The following RABGEF1 variants were observed in gnomAD, a reference collection of about 807,000 sequenced individuals.
RABGEF1 encodes the protein rab5 GDP/GTP exchange factor.
A neutral mutation model predicts 57.3 loss-of-function variants in RABGEF1; 26 were observed. That is an observed-to-expected ratio of 0.45 (90% CI 0.33 to 0.63). RABGEF1 has a LOEUF of 0.63. Ranked by LOEUF, RABGEF1 falls within the 20% of genes least tolerant of loss-of-function variation. RABGEF1 has a pLI of 0.02. For missense variants in RABGEF1, 464 were observed against 607.6 expected (o/e 0.76, Z 2.48); for synonymous variants, 185 against 210.7 (o/e 0.88, Z 1.06).
chr7:66,673,890 G>GA, the RABGEF1 span, among the ~76,000 whole-genome samples: 2 of 151,582 alleles, frequency 1.3e-5, no homozygotes, highest in Admixed American at 6.6e-5. Flanking sequence ...TAAAAAAGAA[G>GA]AAAAAAAATC....
chr7:66,752,049 C>A lies in RABGEF1; in HGVS notation c.-18+11257C>A, dbSNP rs926175591. 3.9e-5 allele frequency among the ~76,000 whole-genome samples: 6 copies of A among 152,116 alleles called. No homozygotes were observed. The South Asian group carries it at 1.2e-3, about 32-fold the overall frequency. On this transcript the variant is annotated intron_variant, in intron 1 of 8. Transcript: ENST00000284957. ...CTATATAAACAAACCAAAAAAAACC[C>A]GCAAAAAACTAGCCAGGTGTTGTGG...
rs562943636 is a variant in RABGEF1 at position 66,744,323 on chromosome 7, A to G, written c.-18+3531A>G. Among the ~76,000 whole-genome samples, 3 of 150,898 alleles carry G rather than the reference A, an allele frequency of 2.0e-5. 1 individual carries two copies. In the South Asian group the frequency reaches 6.3e-4, roughly 32 times the overall value. ...CAAAGTGGGAGGATTGCTTGAGGTC[A>G]GGGGTTGGAGACCAGCCTGGGCAAA... On this transcript the variant is annotated intron_variant, in intron 1 of 8. Coordinates refer to ENST00000284957, the MANE Select transcript of RABGEF1 (RefSeq NM_014504.3).
chr7:66,791,004 A>G (rs1220477095), intron 4 of RABGEF1, among the ~76,000 whole-genome samples: 35 of 152,212 alleles, frequency 2.3e-4, no homozygotes, highest in Admixed American at 2.3e-3. Flanking sequence ...GCAACTTGTA[A>G]CATGGGAGTT....
chr7:66,760,159 C>G (rs1369091123), intron 1 of RABGEF1, among the ~76,000 whole-genome samples: 2 of 152,170 alleles, frequency 1.3e-5, no homozygotes, highest in Non-Finnish European at 2.9e-5. Context: ...GGGTTAACTG[C>G]TTACACCATT....
intron 1 of RABGEF1, among the ~76,000 whole-genome samples, chr7:66,765,262 A>G (rs945671683): frequency 6.6e-6 from 1 of 151,878 alleles, no homozygotes. Context: ...CTGGGGTTGG[A>G]GTGCAGATAG....
chr7:66,802,421 A>C (rs968158725), intron 7 of RABGEF1, among the ~76,000 whole-genome samples: 8 of 152,202 alleles, frequency 5.3e-5, no homozygotes, highest in Non-Finnish European at 1.2e-4. Flanking sequence ...GATCCAGCAG[A>C]GATGGAGCGT....
chr7:66,741,993 AAAAG>A (rs759901545), intron 1 of RABGEF1, among the ~76,000 whole-genome samples: 4 of 152,030 alleles, frequency 2.6e-5, no homozygotes, highest in East Asian at 3.9e-4. Context: ...AAAAAAAAGA[AAAAG>A]AAAATTTGCC....
the RABGEF1 span, among the ~76,000 whole-genome samples, chr7:66,658,766 C>T: frequency 9.9e-5 from 15 of 152,192 alleles, no homozygotes; most frequent in Non-Finnish European, 2.1e-4. Flanking sequence ...GACAGAGTCT[C>T]GCTCTGTCGC....
At chr7:66,797,138 G>GA (rs1452685852) in intron 5 of RABGEF1, among the ~76,000 whole-genome samples, 1 of 151,272 alleles carries the variant, frequency 6.6e-6, no homozygotes, top group African/African-American at 2.4e-5. Flanking sequence ...CATCTCCACA[G>GA]AAAAAACCTA....
intron 6 of RABGEF1, 59 bp from the exon 7 acceptor site, chr7:66,799,264 C>G: frequency 7.0e-7 from 1 of 1,420,854 alleles, no homozygotes. Context: ...AAGGAGGTGA[C>G]AAGACAAATG....
At position 66,780,361 on chromosome 7, in the gene RABGEF1, C is replaced by T. The variant is rs1484644230; in HGVS notation, c.347-3314C>T. Among the ~76,000 whole-genome samples the T allele has an allele frequency of 3.3e-5, 5 of 152,208 alleles. No homozygotes were observed. In the East Asian group the frequency reaches 7.7e-4, roughly 23 times the overall value. On this transcript the variant is annotated intron_variant, in intron 3 of 8. Transcript: ENST00000284957. Reference sequence around the variant, plus strand: ...CATTATTCAAGTTACTTAACATATTCAAGCCTCAGCTTCCTCATTTGTAAA... The same window carrying T: ...CATTATTCAAGTTACTTAACATATTTAAGCCTCAGCTTCCTCATTTGTAAA...
At chr7:66,694,935 G>C (rs990081133) in intron 1 of RABGEF1, among the ~76,000 whole-genome samples, 1 of 152,166 alleles carries the variant, frequency 6.6e-6, no homozygotes, top group Non-Finnish European at 1.5e-5. Flanking sequence ...GGACATGCTG[G>C]CCTGGAGCCC....
At chr7:66,774,287 T>G (rs899281957) in intron 2 of RABGEF1, among the ~76,000 whole-genome samples, 12 of 152,224 alleles carry the variant, frequency 7.9e-5, no homozygotes, top group African/African-American at 2.9e-4. Context: ...CTCTTACTTC[T>G]TGTTCCTGTC....
intron 1 of RABGEF1, among the ~76,000 whole-genome samples, chr7:66,766,466 T>C (rs766692828): frequency 1.3e-5 from 2 of 152,188 alleles, no homozygotes; most frequent in Non-Finnish European, 2.9e-5. Flanking sequence ...TTCTTTTCTT[T>C]TTTTCTACTT....
chr7:66,776,360 GA>G (rs1808534199), intron 3 of RABGEF1, among the ~76,000 whole-genome samples: 1 of 152,164 alleles, frequency 6.6e-6, no homozygotes, highest in South Asian at 2.1e-4. Flanking sequence ...TTATTAAAAG[GA>G]AATATTGCTC....
chr7:66,686,115 A>G (rs1790588400), intron 1 of RABGEF1, among the ~76,000 whole-genome samples: 1 of 152,084 alleles, frequency 6.6e-6, no homozygotes, highest in Non-Finnish European at 1.5e-5. Context: ...CCCCGTCTCT[A>G]CTAAAATACA....
At chr7:66,712,544 C>T (rs1472564200) in intron 2 of RABGEF1, among the ~76,000 whole-genome samples, 1 of 152,178 alleles carries the variant, frequency 6.6e-6, no homozygotes. Context: ...GATCACAGCC[C>T]ACTGCAGCCT....
chr7:66,657,734 T>A, the RABGEF1 span, among the ~76,000 whole-genome samples: 2 of 152,074 alleles, frequency 1.3e-5, no homozygotes, highest in Admixed American at 1.3e-4. Context: ...GGCAGGAGAA[T>A]CGCTTGAACC....
At chr7:66,659,350 G>A in the RABGEF1 span, among the ~76,000 whole-genome samples, 1 of 152,016 alleles carries the variant, frequency 6.6e-6, no homozygotes, top group East Asian at 1.9e-4. Context: ...TGCTTGGGAG[G>A]CTGTGGCAGG....
Sources: gnomAD v4.1 joint callset for allele counts (sites outside exome capture counted in the v4.1 genomes callset) on GRCh38, gnomAD v4.1.1 for gene constraint, MANE v1.5 for transcripts, NCBI Gene and HGNC (gene_info 2026-07-23, HGNC 2026-07-21) for gene names.